Variants in CNOT7 observed in about 807,000 individuals in gnomAD.
CNOT7 encodes BTG1-binding factor 1.
CNOT7 carries 4 observed loss-of-function variants against 37.1 expected under a neutral mutation model. That is an observed-to-expected ratio of 0.11 (90% CI 0.05 to 0.25). The LOEUF (loss-of-function observed/expected upper bound fraction) is 0.25. CNOT7 is among the 10% of genes least tolerant of loss of function. The pLI is 1.00. For synonymous variants in CNOT7, 128 were observed against 115.6 expected (o/e 1.11, Z -0.69); for missense variants, 170 against 336.2 (o/e 0.51, Z 3.87).
At chr8:17,237,586 A>C (rs1809549740) in intron 3 of CNOT7, 2 of 520,438 alleles carry the variant, frequency 3.8e-6, no homozygotes, top group African/African-American at 3.8e-5. Flanking sequence ...AATCATTCAG[A>C]GAGTCCAAAG....
In CNOT7 at chr8:17,228,861, GCTTCA is replaced by G. The variant is rs1808329186; in HGVS notation, c.*1854_*1858del. On this transcript the variant is annotated 3_prime_UTR_variant, in exon 7 of 7. Transcript: ENST00000361272. ...GCTAACAAATCACAAGCGAAAAGAA[GCTTCA>G]CTTCCTTTTTAACGAAGACAAAAGA... is the stretch of plus-strand genomic sequence containing the variant. 6.6e-6 allele frequency: 1 copy of G among 151,952 alleles called. No individual in the cohort carries two copies. The highest frequency in any genetic ancestry group is 2.1e-4 in the South Asian group (1 of 4,834). The allele number at this position is 151,952 out of a possible 1,614,324, so 9.4% of individuals were successfully genotyped here.
At chr8:17,244,940 C>G in intron 2 of CNOT7, 96 bp downstream of exon 2, 4 of 996,412 alleles carry the variant, frequency 4.0e-6, no homozygotes, top group Non-Finnish European at 5.9e-6. Context: ...GAAATTAATC[C>G]CTAAAAATAT....
At position 17,231,932 on chromosome 8, in the gene CNOT7, A is replaced by C. The variant is rs573175933; in HGVS notation, c.729+495T>G. 3.0e-6 allele frequency: 3 copies of C among 987,128 alleles called. No individual in the cohort carries two copies. The African/African-American group carries it at 5.2e-5, about 17-fold the overall frequency. 61.1% of individuals were successfully genotyped at this position (987,128 alleles called of 1,614,324 possible). A position where few individuals can be genotyped will look rare whatever the true frequency, so the allele number is the denominator to read the frequency against. ...AGACTCAATGCAGTAAAAGAGCCTG[A>C]GTTCTTCTCTATAAAATCTTCAAAG... On this transcript the variant is annotated intron_variant, in intron 6 of 6. Coordinates refer to ENST00000361272, the MANE Select transcript of CNOT7 (RefSeq NM_013354.7).
chr8:17,243,270 A>G, intron 2 of CNOT7, 85 bp from the exon 3 acceptor site: 1 of 997,488 alleles, frequency 1.0e-6, no homozygotes, highest in Non-Finnish European at 1.5e-6. Context: ...CAAATCAAAG[A>G]ATCCTACAGA....
At chr8:17,231,377 G>A (rs1808586495) in intron 6 of CNOT7, 2 of 247,736 alleles carry the variant, frequency 8.1e-6, no homozygotes, top group African/African-American at 4.7e-5. Context: ...AAACCATTAA[G>A]ACATTTTTAA....
intron 3 of CNOT7, chr8:17,242,651 A>G (rs1363728562): frequency 1.2e-5 from 2 of 172,202 alleles, no homozygotes. Context: ...CACAAGAAGG[A>G]TAAATATTAT....
Position 17,228,355 on chromosome 8 carries a change from A to T in CNOT7, c.*2365T>A, listed in dbSNP as rs1218898751. On this transcript the variant is annotated 3_prime_UTR_variant, in exon 7 of 7. Transcript: ENST00000361272. ...TACAAACATTGAGACTGTCTGGAACAAAATAAAAAAGTAAAACTTAGACCC... is the reference window on the plus strand; with the variant it reads ...TACAAACATTGAGACTGTCTGGAACTAAATAAAAAAGTAAAACTTAGACCC... 1 of 151,982 alleles carries T rather than the reference A, an allele frequency of 6.6e-6. No individual in the cohort carries two copies. Among genetic ancestry groups the T allele is most frequent in the African/African-American group, 2.4e-5 (1 of 41,444 alleles). 9.4% of individuals were successfully genotyped at this position (151,982 alleles called of 1,614,324 possible).
At chr8:17,232,350 C>G (rs1808749783) in intron 6 of CNOT7, 77 bp downstream of exon 6, 22 of 1,608,818 alleles carry the variant, frequency 1.4e-5, no homozygotes, top group South Asian at 6.6e-5. Context: ...ACTTGTTGCC[C>G]AAAATCTTTG....
chr8:17,239,031 A>G (rs1809778773), intron 3 of CNOT7, among the ~76,000 whole-genome samples: 1 of 152,206 alleles, frequency 6.6e-6, no homozygotes, highest in Admixed American at 6.5e-5. Flanking sequence ...TATTATCTGT[A>G]AAACAAAATA....
intron 2 of CNOT7, 114 bp downstream of exon 2, chr8:17,244,922 T>G: frequency 1.1e-6 from 1 of 884,826 alleles, no homozygotes; most frequent in Non-Finnish European, 1.7e-6. Flanking sequence ...AATTTTACTT[T>G]TCATGGTGAA....
In CNOT7 at chr8:17,226,910, G is replaced by A. The variant is rs1808193957; in HGVS notation, c.*3810C>T. 2 of 151,394 alleles carry A rather than the reference G, an allele frequency of 1.3e-5. No individual in the cohort carries two copies. The highest frequency in any genetic ancestry group is 1.3e-4 in the Admixed American group (2 of 15,158). 9.4% of individuals were successfully genotyped at this position (151,394 alleles called of 1,614,324 possible). On this transcript the variant is annotated 3_prime_UTR_variant, in exon 7 of 7. Coordinates refer to ENST00000361272, the MANE Select transcript of CNOT7 (RefSeq NM_013354.7). ...TTTTCTCATTCAGAAAAATTTCAAT[G>A]TCAGCCCAGAGCCCAAAAAAATAAA...
chr8:17,240,839 A>G (rs1563205038), intron 3 of CNOT7, among the ~76,000 whole-genome samples: 1 of 152,214 alleles, frequency 6.6e-6, no homozygotes, highest in Non-Finnish European at 1.5e-5. Context: ...TGAGTGGAGT[A>G]CTTTGCACCC....
chr8:17,240,546 G>A (rs922439280), intron 3 of CNOT7, among the ~76,000 whole-genome samples: 4 of 152,140 alleles, frequency 2.6e-5, no homozygotes, highest in African/African-American at 7.2e-5. Flanking sequence ...CTTACAGGCT[G>A]TACTAAGAAA....
chr8:17,244,069 T>C (rs948518917), intron 2 of CNOT7, among the ~76,000 whole-genome samples: 3 of 152,230 alleles, frequency 2.0e-5, no homozygotes, highest in African/African-American at 7.2e-5. Context: ...TTCAGTGCAA[T>C]TCAACAGCCA....
rs1231035683 is a variant in CNOT7, at chr8:17,227,386, A to G, written c.*3334T>C. 1.3e-5 allele frequency: 2 copies of G among 151,896 alleles called. No homozygotes were observed. The highest frequency in any genetic ancestry group is 3.9e-4 in the East Asian group (2 of 5,184). 9.4% of individuals were successfully genotyped at this position (151,896 alleles called of 1,614,324 possible). A position where few individuals can be genotyped will look rare whatever the true frequency, so the allele number is the denominator to read the frequency against. ...AAGCTAGGCAGTACTGACTAGTAAG[A>G]GGCAAAGAATTAACAGTGTCATTTG... is the stretch of plus-strand genomic sequence containing the variant. On this transcript the variant is annotated 3_prime_UTR_variant, in exon 7 of 7. Transcript: ENST00000361272.
intron 2 of CNOT7, 148 bp downstream of exon 2, chr8:17,244,888 G>T: frequency 1.5e-6 from 1 of 652,954 alleles, no homozygotes. Flanking sequence ...ATTCCTGATG[G>T]ATTTTGGCTG....
At chr8:17,236,333 C>G (rs1211805726) in intron 4 of CNOT7, among the ~76,000 whole-genome samples, 1 of 152,248 alleles carries the variant, frequency 6.6e-6, no homozygotes, top group East Asian at 1.9e-4. Flanking sequence ...TTTTTCAAAA[C>G]CTAACAAAAG....
rs1808285630 is a variant in CNOT7 at position 17,228,276 on chromosome 8, G to A, written c.*2444C>T. 6.6e-6 allele frequency: 1 copy of A among 151,786 alleles called. No individual in the cohort carries two copies. The highest frequency in any genetic ancestry group is 2.4e-5 in the African/African-American group (1 of 41,390). The allele number at this position is 151,786 out of a possible 1,614,324, so 9.4% of individuals were successfully genotyped here. A position where few individuals can be genotyped will look rare whatever the true frequency, so the allele number is the denominator to read the frequency against. On this transcript the variant is annotated 3_prime_UTR_variant, in exon 7 of 7. Coordinates refer to ENST00000361272, the MANE Select transcript of CNOT7 (RefSeq NM_013354.7). The stretch of plus-strand genomic sequence containing the variant: ...ATATATGAGCCTGTAATTAATTAAT[G>A]GCTCAGTAACACTAAAATATCAGCC...
intron 2 of CNOT7, chr8:17,244,791 T>A (rs1431104139): frequency 2.5e-6 from 1 of 402,576 alleles, no homozygotes; most frequent in Non-Finnish European, 4.5e-6. Flanking sequence ...CTAACTCTTA[T>A]TCAAACGGCC....
Sources: allele counts gnomAD v4.1 joint callset (sites outside exome capture counted in the v4.1 genomes callset), GRCh38; gene constraint gnomAD v4.1.1; transcripts MANE v1.5; gene names NCBI Gene and HGNC (gene_info 2026-07-23, HGNC 2026-07-21).